The following TRHDE variants were observed in gnomAD, a reference collection of about 807,000 sequenced individuals.
TRHDE encodes thyrotropin-releasing hormone-degrading ectoenzyme.
In TRHDE, 72 loss-of-function variants were observed where a neutral mutation model predicts 125.7. The observed-to-expected ratio is 0.57, with a 90% CI of 0.47 to 0.70. The LOEUF (loss-of-function observed/expected upper bound fraction) is 0.70. Among genes scored for constraint, TRHDE ranks in the 30% least tolerant of loss-of-function variants. The probability of loss-of-function intolerance (pLI) is 0.00; values close to 1 mark genes in which losing one functional copy is unlikely to be tolerated. For missense variants in TRHDE, 1,110 were observed against 1,327.1 expected, an observed-to-expected ratio of 0.84 and a Z score of 2.54; for synonymous variants, 509 against 509.1, an observed-to-expected ratio of 1.00 and a Z score of 0.00.
intron 15 of TRHDE, among the ~76,000 whole-genome samples, chr12:72,646,848 C>G (rs538958327): frequency 6.6e-6 from 1 of 151,888 alleles, no homozygotes; most frequent in Admixed American, 6.6e-5. Flanking sequence ...CCAATATTGA[C>G]AGAACTGAAG....
chr12:72,535,687 G>GA lies in TRHDE; in HGVS notation c.1723-6594dup, dbSNP rs978951527. Among the ~76,000 whole-genome samples, 318 of 144,654 alleles carry GA rather than the reference G, an allele frequency of 2.2e-3. 1 individual carries two copies. The highest frequency in any genetic ancestry group is 5.5e-3 in the African/African-American group (218 of 39,600). The allele number at this position is 144,654 out of a possible 152,430, so 94.9% of individuals were successfully genotyped here. A position where few individuals can be genotyped will look rare whatever the true frequency, so the allele number is the denominator to read the frequency against. On this transcript the variant is annotated intron_variant, in intron 6 of 18. Transcript: ENST00000261180. ...TAAATATAGCTATCATATTATTATGGAAAAAAAAAACAGCGAAGAAAACAT... is the reference window on the plus strand; with the variant it reads ...TAAATATAGCTATCATATTATTATGGAAAAAAAAAAACAGCGAAGAAAACAT...
chr12:72,407,503 G>A (rs577364173), intron 3 of TRHDE, among the ~76,000 whole-genome samples: 1 of 152,316 alleles, frequency 6.6e-6, no homozygotes, highest in Admixed American at 6.5e-5. Context: ...ACCCTCAGAG[G>A]AAAGTGTCAA....
At chr12:72,291,708 G>T (rs1273110340) in intron 2 of TRHDE, among the ~76,000 whole-genome samples, 1 of 152,152 alleles carries the variant, frequency 6.6e-6, no homozygotes, top group Non-Finnish European at 1.5e-5. Flanking sequence ...ACTGTATTGG[G>T]TATTGTATGC....
chr12:72,350,875 G>T (rs1870550893), intron 2 of TRHDE, among the ~76,000 whole-genome samples: 1 of 152,006 alleles, frequency 6.6e-6, no homozygotes, highest in Admixed American at 6.6e-5. Context: ...TCTCACAGGT[G>T]AAATTACTCT....
At chr12:72,351,447 G>C (rs1319064403) in intron 2 of TRHDE, among the ~76,000 whole-genome samples, 1 of 151,938 alleles carries the variant, frequency 6.6e-6, no homozygotes, top group Non-Finnish European at 1.5e-5. Flanking sequence ...TTAACATACA[G>C]AGATGTACTC....
intron 6 of TRHDE, among the ~76,000 whole-genome samples, chr12:72,511,055 A>G (rs1878562324): frequency 6.6e-6 from 1 of 152,198 alleles, no homozygotes; most frequent in African/African-American, 2.4e-5. Flanking sequence ...CAGTTAATAT[A>G]AGAAAGAACT....
intron 17 of TRHDE, 138 bp from the exon 18 acceptor site, chr12:72,656,789 C>T (rs1874723293): frequency 1.2e-5 from 8 of 641,594 alleles, no homozygotes; most frequent in Non-Finnish European, 2.8e-6. Context: ...GAGAAATGGG[C>T]TTGAGTGCTC....
At chr12:72,546,064 C>T (rs759078400) in intron 7 of TRHDE, among the ~76,000 whole-genome samples, 1 of 151,634 alleles carries the variant, frequency 6.6e-6, no homozygotes, top group Non-Finnish European at 1.5e-5. Context: ...AAAGCTACCA[C>T]GGTGGCTCAG....
At chr12:72,315,856 T>C (rs1805232784) in intron 2 of TRHDE, among the ~76,000 whole-genome samples, 1 of 152,206 alleles carries the variant, frequency 6.6e-6, no homozygotes, top group African/African-American at 2.4e-5. Flanking sequence ...TTCTGCAGCA[T>C]TTTAATTACA....
intron 9 of TRHDE, among the ~76,000 whole-genome samples, chr12:72,564,827 C>A (rs1177298931): frequency 2.0e-5 from 3 of 151,628 alleles, no homozygotes; most frequent in Admixed American, 6.6e-5. Context: ...CCGCCACACC[C>A]GGCTAATTTT....
chr12:72,229,978 C>CA (rs1171084902), intron 2 of TRHDE, among the ~76,000 whole-genome samples: 1 of 152,024 alleles, frequency 6.6e-6, no homozygotes, highest in Non-Finnish European at 1.5e-5. Flanking sequence ...AATATTTTTA[C>CA]AATATAAGAA....
chr12:72,433,987 G>A (rs540415047), intron 3 of TRHDE, among the ~76,000 whole-genome samples: 1 of 152,264 alleles, frequency 6.6e-6, no homozygotes, highest in South Asian at 2.1e-4. Context: ...GTACCTGCCT[G>A]TTGTGGAGCT....
intron 2 of TRHDE, among the ~76,000 whole-genome samples, chr12:72,165,794 C>G (rs1876733169): frequency 6.6e-6 from 1 of 151,950 alleles, no homozygotes; most frequent in Non-Finnish European, 1.5e-5. Context: ...CCTGCCTCAG[C>G]CTCCTGAATA....
chr12:72,478,150 A>G (rs1244035670), intron 5 of TRHDE, among the ~76,000 whole-genome samples: 1 of 152,174 alleles, frequency 6.6e-6, no homozygotes, highest in African/African-American at 2.4e-5. Flanking sequence ...GGTGATCCAA[A>G]TGTTTTAATT....
At chr12:72,293,705 C>T (rs1880177323) in intron 2 of TRHDE, among the ~76,000 whole-genome samples, 1 of 152,148 alleles carries the variant, frequency 6.6e-6, no homozygotes, top group Admixed American at 6.5e-5. Context: ...GCACATGTGG[C>T]ATCCTATTGT....
chr12:72,327,388 T>C (rs1417046626), intron 2 of TRHDE, among the ~76,000 whole-genome samples: 1 of 152,100 alleles, frequency 6.6e-6, no homozygotes, highest in Admixed American at 6.6e-5. Context: ...AATGAATGAG[T>C]GAATGTCCTT....
intron 1 of TRHDE, among the ~76,000 whole-genome samples, chr12:72,283,884 G>A (rs1879783252): frequency 6.6e-6 from 1 of 151,298 alleles, no homozygotes; most frequent in Non-Finnish European, 1.5e-5. Flanking sequence ...AATTTTCCAT[G>A]AGGAAATATT....
At chr12:72,316,158 A>G (rs1868792118) in intron 2 of TRHDE, among the ~76,000 whole-genome samples, 1 of 152,154 alleles carries the variant, frequency 6.6e-6, no homozygotes, top group African/African-American at 2.4e-5. Flanking sequence ...TTTTTCCTTG[A>G]AAAGACACTG....
chr12:72,120,842 C>T (rs775313192), intron 2 of TRHDE, among the ~76,000 whole-genome samples: 1 of 151,796 alleles, frequency 6.6e-6, no homozygotes, highest in Non-Finnish European at 1.5e-5. Context: ...CCACGCCCGG[C>T]TAATTTTTTT....
Sources: allele counts gnomAD v4.1 joint callset (sites outside exome capture counted in the v4.1 genomes callset), GRCh38; gene constraint gnomAD v4.1.1; transcripts MANE v1.5; gene names NCBI Gene and HGNC (gene_info 2026-07-23, HGNC 2026-07-21).